ATRX: variants seen among roughly 807,000 people sequenced by gnomAD.
The protein encoded by ATRX is chromatin remodeler ATRX.
ATRX carries 12 observed loss-of-function variants against 172.6 expected under a neutral mutation model. The observed-to-expected ratio is 0.07, with a 90% confidence interval of 0.04 to 0.11. ATRX has a LOEUF of 0.11. Ranked by LOEUF, ATRX falls within the 10% of genes least tolerant of loss-of-function variation. The probability of loss-of-function intolerance (pLI) is 1.00; values close to 1 mark genes in which losing one functional copy is unlikely to be tolerated. For missense variants in ATRX, 1,368 were observed against 1,767.4 expected (o/e 0.77, Z 4.05); for synonymous variants, 674 against 594.7 (o/e 1.13, Z -1.94).
At chrX:77,668,054 AT>A (rs2148511062) in intron 10 of ATRX, among the ~76,000 whole-genome samples, 1 of 112,057 alleles carries the variant, frequency 8.9e-6, no homozygotes, top group African/African-American at 3.2e-5. Flanking sequence ...GAAGTCCAAT[AT>A]GTCAAAGACC....
At chrX:77,663,073 G>T (rs1474641722) in intron 12 of ATRX, among the ~76,000 whole-genome samples, 1 of 110,914 alleles carries the variant, frequency 9.0e-6, no homozygotes, top group Admixed American at 9.6e-5. Context: ...TTGAGACAGG[G>T]TCTCACTCTG....
chrX:77,764,523 G>A (rs1376641764), intron 1 of ATRX, among the ~76,000 whole-genome samples: 1 of 112,397 alleles, frequency 8.9e-6, no homozygotes, highest in Non-Finnish European at 1.9e-5. Context: ...AAACCCACAA[G>A]TAATGAAGAA....
intron 22 of ATRX, among the ~76,000 whole-genome samples, chrX:77,612,291 G>A (rs1018779110): frequency 9.9e-5 from 11 of 111,147 alleles, no homozygotes; most frequent in African/African-American, 3.6e-4. Context: ...AGAGACAAAA[G>A]CATATTACTG....
At chrX:77,641,056 G>A (rs781991866) in intron 15 of ATRX, among the ~76,000 whole-genome samples, 14 of 111,467 alleles carry the variant, frequency 1.3e-4, no homozygotes, top group Non-Finnish European at 2.4e-4. Context: ...AATCTTAGCA[G>A]TGGGTCAAAG....
chrX:77,557,093 C>T (rs1374764891), intron 30 of ATRX, among the ~76,000 whole-genome samples: 5 of 111,725 alleles, frequency 4.5e-5, no homozygotes, highest in African/African-American at 1.6e-4. Context: ...TCCTGCAACC[C>T]GAAATTCACC....
At chrX:77,639,777 G>A (rs1430783264) in intron 15 of ATRX, among the ~76,000 whole-genome samples, 1 of 111,848 alleles carries the variant, frequency 8.9e-6, no homozygotes, top group African/African-American at 3.3e-5. Flanking sequence ...AAGTAGATGT[G>A]TTTATGCACT....
At chrX:77,672,074 G>A (rs781828547) in intron 10 of ATRX, among the ~76,000 whole-genome samples, 7 of 107,593 alleles carry the variant, frequency 6.5e-5, no homozygotes, top group Non-Finnish European at 9.7e-5. Context: ...AAAGGAAATT[G>A]AAAAAAAAAT....
At chrX:77,526,844 ACCTAT>A (rs1397271595) in intron 30 of ATRX, among the ~76,000 whole-genome samples, 1 of 111,933 alleles carries the variant, frequency 8.9e-6, no homozygotes, top group African/African-American at 3.2e-5. Flanking sequence ...CAGATTTAAA[ACCTAT>A]CCTATCAAGT....
At chrX:77,687,912 G>C (rs2071668118) in intron 7 of ATRX, among the ~76,000 whole-genome samples, 1 of 111,810 alleles carries the variant, frequency 8.9e-6, no homozygotes, top group Non-Finnish European at 1.9e-5. Flanking sequence ...TATGAGTTAA[G>C]AAAACCATAA....
At chrX:77,670,484 A>G (rs142699248) in intron 10 of ATRX, among the ~76,000 whole-genome samples, 3,276 of 111,969 alleles carry the variant, frequency 0.029, 62 homozygotes, top group East Asian at 0.087. Context: ...GCCGGGCACG[A>G]TGGCTCACGC....
At chrX:77,636,865 A>G (rs782303076) in intron 15 of ATRX, among the ~76,000 whole-genome samples, 1 of 93,820 alleles carries the variant, frequency 1.1e-5, no homozygotes, top group African/African-American at 3.8e-5. Flanking sequence ...GGAAGGAGGG[A>G]GGAGGAGGGA....
chrX:77,519,146 A>C (rs2063145690), intron 34 of ATRX, among the ~76,000 whole-genome samples: 1 of 111,818 alleles, frequency 8.9e-6, no homozygotes, highest in Admixed American at 9.5e-5. Context: ...AAAAATGGAC[A>C]AACAGGATAC....
intron 10 of ATRX, among the ~76,000 whole-genome samples, chrX:77,671,163 A>T (rs1431553668): frequency 2.2e-4 from 8 of 35,702 alleles, no homozygotes; most frequent in Admixed American, 3.8e-4. Context: ...AAAAAAAAAA[A>T]AAAAATATAT....
intron 28 of ATRX, among the ~76,000 whole-genome samples, chrX:77,573,853 A>G (rs2065508633): frequency 9.0e-6 from 1 of 111,601 alleles, no homozygotes. Flanking sequence ...ATGTTCACAC[A>G]AAAACTTGAA....
chrX:77,672,882 T>G (rs1557131735), intron 10 of ATRX, among the ~76,000 whole-genome samples: 3 of 111,689 alleles, frequency 2.7e-5, no homozygotes, highest in Non-Finnish European at 5.7e-5. Context: ...ACCTAGCACT[T>G]TGGTCTTTTG....
At chrX:77,509,375 A>G (rs1557035320) in intron 34 of ATRX, among the ~76,000 whole-genome samples, 1 of 112,362 alleles carries the variant, frequency 8.9e-6, no homozygotes, top group East Asian at 2.8e-4. Flanking sequence ...GCAGAGCAAG[A>G]TGGCTGAATA....
intron 1 of ATRX, among the ~76,000 whole-genome samples, chrX:77,724,531 C>G: frequency 9.1e-6 from 1 of 109,951 alleles, no homozygotes; most frequent in Non-Finnish European, 1.9e-5. Context: ...CGTGCCCAGC[C>G]CAAAAATATC....
chrX:77,721,855 C>T (rs1557169245), intron 1 of ATRX, among the ~76,000 whole-genome samples: 2 of 111,437 alleles, frequency 1.8e-5, no homozygotes, highest in Admixed American at 1.9e-4. Context: ...AAAAAATACC[C>T]CACAGGGCCA....
chrX:77,547,257 G>A (rs962554287), intron 30 of ATRX, among the ~76,000 whole-genome samples: 45 of 110,947 alleles, frequency 4.1e-4, no homozygotes, highest in South Asian at 2.3e-3. Context: ...ATAGAATCTT[G>A]CATACCATCC....
Sources: allele counts gnomAD v4.1 joint callset (sites outside exome capture counted in the v4.1 genomes callset), GRCh38; gene constraint gnomAD v4.1.1; transcripts MANE v1.5; gene names NCBI Gene and HGNC (gene_info 2026-07-23, HGNC 2026-07-21).